Variants in SIDT1 observed in about 807,000 individuals in gnomAD.
SIDT1 encodes SID1 transmembrane family member 1.
Under a neutral mutation model 107.5 loss-of-function variants are expected in SIDT1, and 101 were observed. The ratio of observed to expected loss-of-function variants is 0.94; its 90% CI spans 0.80 to 1.11. The LOEUF is 1.11. SIDT1 is among the 50% of genes least tolerant of loss of function. SIDT1 has a pLI of 0.00. For missense variants in SIDT1, 1,076 were observed against 1,058.2 expected (o/e 1.02, Z -0.23); for synonymous variants, 395 against 398.2 (o/e 0.99, Z 0.10).
intron 15 of SIDT1, among the ~76,000 whole-genome samples, chr3:113,607,510 C>T (rs374783442): frequency 1.6e-4 from 24 of 152,230 alleles, no homozygotes; most frequent in African/African-American, 5.8e-4. Flanking sequence ...CCCTCAGCTG[C>T]TAAGTAGTGC....
At chr3:113,624,893 T>C (rs1175560925) in intron 23 of SIDT1, among the ~76,000 whole-genome samples, 1 of 152,214 alleles carries the variant, frequency 6.6e-6, no homozygotes, top group Non-Finnish European at 1.5e-5. Flanking sequence ...GGCTGAATAG[T>C]ATTTTATTGT....
Position 113,601,486 on chromosome 3 carries a change from A to G in SIDT1, c.1046-102A>G, listed in dbSNP as rs1387538332. On this transcript the variant is annotated intron_variant, in intron 10 of 24. Coordinates refer to ENST00000264852, the MANE Select transcript of SIDT1 (RefSeq NM_017699.3). The stretch of plus-strand genomic sequence containing the variant: ...CTGTATTAGTGTAAAAAGAAAATCA[A>G]ACCTAAAATAATGTGCCCTGATGAT... 8.9e-6 allele frequency: 7 copies of G among 787,362 alleles called. No individual in the cohort carries two copies. In the Admixed American group the frequency reaches 1.5e-4, roughly 17 times the overall value. The allele number at this position is 787,362 out of a possible 1,614,324, so 48.8% of individuals were successfully genotyped here. A position where few individuals can be genotyped will look rare whatever the true frequency, so the allele number is the denominator to read the frequency against.
chr3:113,570,440 A>G (rs2107407379), intron 3 of SIDT1, among the ~76,000 whole-genome samples: 1 of 144,528 alleles, frequency 6.9e-6, no homozygotes, highest in Middle Eastern at 3.5e-3. Context: ...AATTGTAGGA[A>G]TGGTCTTCTG....
chr3:113,593,189 AG>A lies in SIDT1; in HGVS notation c.1045+142del, dbSNP rs1247029763. The A allele has an allele frequency of 3.2e-5, 25 of 778,796 alleles. No homozygotes were observed. The Middle Eastern group carries it at 7.2e-4, about 23-fold the overall frequency. The allele number at this position is 778,796 out of a possible 1,614,324, so 48.2% of individuals were successfully genotyped here. A position where few individuals can be genotyped will look rare whatever the true frequency, so the allele number is the denominator to read the frequency against. Reference sequence around the variant, plus strand: ...TATCCCGCAGAGTAGTCTAGCCTGCAGTTGGAAAGCAAAGCTAGTGAAAACC... The same window carrying A: ...TATCCCGCAGAGTAGTCTAGCCTGCATTGGAAAGCAAAGCTAGTGAAAACC... On this transcript the variant is annotated intron_variant, in intron 10 of 24. Transcript: ENST00000264852.
At chr3:113,608,340 A>G in intron 16 of SIDT1, 79 bp from the exon 17 acceptor site, 2 of 1,534,728 alleles carry the variant, frequency 1.3e-6, no homozygotes, top group Non-Finnish European at 1.8e-6. Flanking sequence ...ATGAGGCCAG[A>G]AGCATGTGCT....
downstream of SIDT1, chr3:113,632,997 A>G (rs1668425377): frequency 1.3e-5 from 2 of 152,244 alleles, no homozygotes; most frequent in African/African-American, 4.8e-5. Context: ...GAACATCCTT[A>G]TAAGACTCTT....
intron 1 of SIDT1, among the ~76,000 whole-genome samples, chr3:113,562,206 C>T (rs907503445): frequency 6.6e-6 from 1 of 152,024 alleles, no homozygotes; most frequent in Non-Finnish European, 1.5e-5. Context: ...AAGATAGTGA[C>T]AAGTGTTGGC....
At chr3:113,599,351 G>T (rs575376875) in intron 10 of SIDT1, among the ~76,000 whole-genome samples, 1 of 152,344 alleles carries the variant, frequency 6.6e-6, no homozygotes, top group South Asian at 2.1e-4. Context: ...AGCAAAAGCT[G>T]TGCTTTTTTA....
chr3:113,615,944 C>T, intron 19 of SIDT1, 156 bp from the exon 20 acceptor site: 1 of 665,674 alleles, frequency 1.5e-6, no homozygotes, highest in Non-Finnish European at 2.7e-6. Flanking sequence ...TTTTTCAAAG[C>T]AAATACTTAT....
At chr3:113,569,326 T>G (rs990155179) in intron 3 of SIDT1, among the ~76,000 whole-genome samples, 2 of 152,166 alleles carry the variant, frequency 1.3e-5, no homozygotes, top group African/African-American at 4.8e-5. Flanking sequence ...TGCTTATAAC[T>G]GCACACTTTT....
At chr3:113,557,498 G>C (rs945155899) in intron 1 of SIDT1, among the ~76,000 whole-genome samples, 14 of 152,170 alleles carry the variant, frequency 9.2e-5, no homozygotes, top group Non-Finnish European at 1.3e-4. Flanking sequence ...GGCACACACA[G>C]AGAATAGCAT....
chr3:113,608,716 GAA>G (rs1945523393), intron 17 of SIDT1, among the ~76,000 whole-genome samples, 180 bp downstream of exon 17: 1 of 152,206 alleles, frequency 6.6e-6, no homozygotes. Context: ...GCTTTGGGAT[GAA>G]AGTTATGGAG....
intron 1 of SIDT1, among the ~76,000 whole-genome samples, chr3:113,565,865 C>T (rs1941852515): frequency 6.6e-6 from 1 of 152,104 alleles, no homozygotes; most frequent in Non-Finnish European, 1.5e-5. Context: ...AATGATTTAC[C>T]AACCCAAAAT....
chr3:113,604,199 A>G (rs1215291111), intron 13 of SIDT1, among the ~76,000 whole-genome samples, 166 bp downstream of exon 13: 8 of 152,190 alleles, frequency 5.3e-5, no homozygotes, highest in Non-Finnish European at 1.0e-4. Context: ...ACACACATGG[A>G]CACAGCCTCC....
intron 1 of SIDT1, among the ~76,000 whole-genome samples, chr3:113,558,533 G>A (rs756937771): frequency 6.6e-6 from 1 of 152,142 alleles, no homozygotes; most frequent in African/African-American, 2.4e-5. Flanking sequence ...ATGTCTCCTC[G>A]TGGAGTAAAG....
At chr3:113,560,908 G>A (rs1383017096) in intron 1 of SIDT1, among the ~76,000 whole-genome samples, 1 of 152,070 alleles carries the variant, frequency 6.6e-6, no homozygotes, top group Non-Finnish European at 1.5e-5. Context: ...TCATAACTGT[G>A]ATCTATATAA....
chr3:113,569,543 G>C (rs1942253818), intron 3 of SIDT1, among the ~76,000 whole-genome samples: 1 of 151,994 alleles, frequency 6.6e-6, no homozygotes, highest in African/African-American at 2.4e-5. Flanking sequence ...TATTTATCTT[G>C]GTCCTCTCTA....
intron 10 of SIDT1, among the ~76,000 whole-genome samples, chr3:113,596,975 G>T (rs954157922): frequency 6.6e-6 from 1 of 152,204 alleles, no homozygotes; most frequent in Non-Finnish European, 1.5e-5. Context: ...GACAAGGAGA[G>T]TGTTGAATTT....
intron 10 of SIDT1, among the ~76,000 whole-genome samples, chr3:113,594,032 A>G (rs1944365156): frequency 6.6e-6 from 1 of 152,220 alleles, no homozygotes; most frequent in South Asian, 2.1e-4. Context: ...TTAAAGAGGA[A>G]TATGAAGTGG....
Sources: gnomAD v4.1 joint callset for allele counts (sites outside exome capture counted in the v4.1 genomes callset) on GRCh38, gnomAD v4.1.1 for gene constraint, MANE v1.5 for transcripts, NCBI Gene and HGNC (gene_info 2026-07-23, HGNC 2026-07-21) for gene names.